ALDH1A2: variants seen among roughly 807,000 people sequenced by gnomAD.
ALDH1A2 encodes retinal dehydrogenase 2.
A neutral mutation model predicts 60.3 loss-of-function variants in ALDH1A2; 27 were observed. The ratio of observed to expected loss-of-function variants is 0.45; its 90% CI spans 0.33 to 0.62. The LOEUF (loss-of-function observed/expected upper bound fraction) is 0.62, where lower values mean the gene tolerates loss of function less well. Among genes scored for constraint, ALDH1A2 ranks in the 20% least tolerant of loss-of-function variants. The pLI is 0.02. For missense variants in ALDH1A2, 581 were observed against 643.8 expected (o/e 0.90, Z 1.06); for synonymous variants, 289 against 232.4 (o/e 1.24, Z -2.21).
intron 3 of ALDH1A2, 137 bp from the exon 4 acceptor site, chr15:58,010,915 CAAAT>C (rs1442045574): frequency 8.4e-7 from 1 of 1,185,270 alleles, no homozygotes; most frequent in Non-Finnish European, 1.2e-6. Flanking sequence ...TATGAATTCT[CAAAT>C]AAAAAGATTT....
chr15:58,035,720 C>A (rs1896361799), intron 1 of ALDH1A2, among the ~76,000 whole-genome samples: 1 of 151,418 alleles, frequency 6.6e-6, no homozygotes, highest in Non-Finnish European at 1.5e-5. Flanking sequence ...TTGGTTTTTC[C>A]AGCTATCTTT....
rs141603090 is a variant in ALDH1A2 at position 57,977,356 on chromosome 15, T to C, written c.799-11529A>G. 8.9e-4 allele frequency among the ~76,000 whole-genome samples: 136 copies of C among 152,340 alleles called. 1 individual carries two copies. Among genetic ancestry groups the C allele is most frequent in the Admixed American group, 3.8e-3 (58 of 15,292 alleles). On this transcript the variant is annotated intron_variant, in intron 7 of 12. Transcript: ENST00000249750. Reference sequence around the variant, plus strand: ...GAATGGTATTGCCTAGGTTTTTGTCTAGGATTTTTATGGTTTTAGTTCTTA... The same window carrying C: ...GAATGGTATTGCCTAGGTTTTTGTCCAGGATTTTTATGGTTTTAGTTCTTA...
At chr15:57,965,300 G>A (rs1304932861) in intron 8 of ALDH1A2, among the ~76,000 whole-genome samples, 1 of 152,194 alleles carries the variant, frequency 6.6e-6, no homozygotes, top group Non-Finnish European at 1.5e-5. Context: ...AAGGGGCTGT[G>A]GGTTTGGAAA....
chr15:57,962,713 A>T (rs963370813), intron 9 of ALDH1A2, among the ~76,000 whole-genome samples: 1 of 152,154 alleles, frequency 6.6e-6, no homozygotes, highest in Non-Finnish European at 1.5e-5. Context: ...CCAAAAAAAA[A>T]CAAGGTCAGT....
intron 4 of ALDH1A2, among the ~76,000 whole-genome samples, chr15:58,004,844 T>C (rs1219073160): frequency 6.7e-6 from 1 of 150,304 alleles, no homozygotes; most frequent in Admixed American, 6.7e-5. Flanking sequence ...GAAAGATCTC[T>C]ACAAGCAGAA....
chr15:57,997,821 G>C (rs1229686728), intron 4 of ALDH1A2, among the ~76,000 whole-genome samples: 1 of 151,944 alleles, frequency 6.6e-6, no homozygotes, highest in Non-Finnish European at 1.5e-5. Context: ...TCACATATTT[G>C]AAAAGCATTT....
chr15:58,061,854 T>C (rs1314140685), intron 1 of ALDH1A2, among the ~76,000 whole-genome samples: 1 of 152,150 alleles, frequency 6.6e-6, no homozygotes, highest in East Asian at 1.9e-4. Flanking sequence ...ATTATAATTA[T>C]CATCATCATT....
chr15:57,961,600 C>G (rs1186200386), intron 10 of ALDH1A2, among the ~76,000 whole-genome samples: 1 of 152,150 alleles, frequency 6.6e-6, no homozygotes, highest in South Asian at 2.1e-4. Flanking sequence ...AACACTGCTC[C>G]AGAACGGAAT....
chr15:58,008,926 G>A (rs1895543440), intron 4 of ALDH1A2, among the ~76,000 whole-genome samples: 1 of 152,056 alleles, frequency 6.6e-6, no homozygotes, highest in Admixed American at 6.6e-5. Flanking sequence ...GAAAACAGCT[G>A]TTCTGTAATA....
intron 5 of ALDH1A2, 147 bp downstream of exon 5, chr15:57,994,931 G>C: frequency 2.5e-6 from 2 of 786,176 alleles, no homozygotes; most frequent in South Asian, 2.8e-5. Flanking sequence ...TTTGCAGGGA[G>C]GCTGTTAAAG....
intron 1 of ALDH1A2, among the ~76,000 whole-genome samples, chr15:58,050,521 C>A (rs1469862520): frequency 6.6e-6 from 1 of 152,094 alleles, no homozygotes; most frequent in East Asian, 1.9e-4. Context: ...TTTATTTTAT[C>A]TGACAATCCC....
chr15:57,976,410 A>G (rs1192363411), intron 7 of ALDH1A2, among the ~76,000 whole-genome samples: 2 of 151,988 alleles, frequency 1.3e-5, no homozygotes, highest in Non-Finnish European at 1.5e-5. Context: ...ATTTCTCCTA[A>G]TGTTATCCCT....
chr15:57,977,730 G>A (rs1256634690), intron 7 of ALDH1A2, among the ~76,000 whole-genome samples: 2 of 152,142 alleles, frequency 1.3e-5, no homozygotes, highest in African/African-American at 4.8e-5. Flanking sequence ...ATTTAAAGTC[G>A]TTTTTTCTAA....
At chr15:57,961,625 G>A (rs190174463) in intron 10 of ALDH1A2, among the ~76,000 whole-genome samples, 3 of 152,290 alleles carry the variant, frequency 2.0e-5, no homozygotes, top group African/African-American at 7.2e-5. Flanking sequence ...TGGACTGTGG[G>A]CTGATTTGCT....
chr15:58,060,545 A>C (rs1897003788), intron 1 of ALDH1A2, among the ~76,000 whole-genome samples: 1 of 138,850 alleles, frequency 7.2e-6, no homozygotes, highest in Middle Eastern at 4.2e-3. Context: ...AAATAAATGT[A>C]ACTGTCCATG....
intron 12 of ALDH1A2, among the ~76,000 whole-genome samples, chr15:57,959,220 C>T (rs35246692): frequency 4.0e-4 from 61 of 152,288 alleles, no homozygotes; most frequent in African/African-American, 1.2e-3. Flanking sequence ...GCAGCATTCC[C>T]AGAGCCAGTG....
intron 12 of ALDH1A2, among the ~76,000 whole-genome samples, chr15:57,955,778 T>C: frequency 6.6e-6 from 1 of 152,150 alleles, no homozygotes; most frequent in East Asian, 1.9e-4. Flanking sequence ...TGGGAGTGGG[T>C]TGCATGTCTA....
In ALDH1A2 at chr15:57,970,787, G is replaced by A. The variant is rs1450214106; in HGVS notation, c.799-4960C>T. On this transcript the variant is annotated intron_variant, in intron 7 of 12. Coordinates refer to ENST00000249750, the MANE Select transcript of ALDH1A2 (RefSeq NM_003888.4). The stretch of plus-strand genomic sequence containing the variant: ...CCCAGTAAACTAGTTAAAGATGCCT[G>A]TGTCTTGTAATATCTTTTCATAAAT... Among the ~76,000 whole-genome samples the A allele has an allele frequency of 2.0e-5, 3 of 152,152 alleles. No homozygotes were observed. The East Asian group carries it at 5.8e-4, about 29-fold the overall frequency.
At chr15:58,051,228 T>C (rs1260733632) in intron 1 of ALDH1A2, among the ~76,000 whole-genome samples, 1 of 152,150 alleles carries the variant, frequency 6.6e-6, no homozygotes. Flanking sequence ...AGTAAGTCAT[T>C]CCTAAAGGAC....
Sources: gnomAD v4.1 joint callset for allele counts (sites outside exome capture counted in the v4.1 genomes callset) on GRCh38, gnomAD v4.1.1 for gene constraint, MANE v1.5 for transcripts, NCBI Gene and HGNC (gene_info 2026-07-23, HGNC 2026-07-21) for gene names.